The following TBC1D22A variants were observed in gnomAD, a reference collection of about 807,000 sequenced individuals.
TBC1D22A encodes the protein TBC1 domain family member 22A, also known as putative GTPase activator.
A neutral mutation model predicts 60.2 loss-of-function variants in TBC1D22A; 38 were observed. The ratio of observed to expected loss-of-function variants is 0.63; its 90% confidence interval spans 0.49 to 0.83. TBC1D22A has a LOEUF of 0.83. Ranked by LOEUF, TBC1D22A falls within the 40% of genes least tolerant of loss-of-function variation. The probability of loss-of-function intolerance (pLI) is 0.00; values close to 1 mark genes in which losing one functional copy is unlikely to be tolerated. For missense variants in TBC1D22A, 628 were observed against 701.0 expected (o/e 0.90, Z 1.18); for synonymous variants, 302 against 281.7 (o/e 1.07, Z -0.72).
chr22:47,101,630 TG>T lies in TBC1D22A; in HGVS notation c.1330-9877del, dbSNP rs533764255. ...GCCAGTGGGTTCCAGGGTTTGATTGTGTGTTGGGGTTTTTCTCAAGTGCTAG... is the reference window on the plus strand; with the variant it reads ...GCCAGTGGGTTCCAGGGTTTGATTGTTGTTGGGGTTTTTCTCAAGTGCTAG... On this transcript the variant is annotated intron_variant, in intron 11 of 12. Transcript: ENST00000337137. Among the ~76,000 whole-genome samples the T allele has an allele frequency of 3.9e-4, 59 of 152,250 alleles. No individual in the cohort carries two copies. The East Asian group carries it at 0.011, about 28-fold the overall frequency.
At chr22:46,861,462 A>T (rs1408377600) in intron 4 of TBC1D22A, among the ~76,000 whole-genome samples, 4 of 152,232 alleles carry the variant, frequency 2.6e-5, no homozygotes, top group African/African-American at 9.6e-5. Context: ...TGAGCAGCTC[A>T]GGTGGCCGGA....
intron 7 of TBC1D22A, among the ~76,000 whole-genome samples, chr22:46,908,534 G>A (rs566638992): frequency 7.2e-5 from 11 of 152,192 alleles, no homozygotes; most frequent in Admixed American, 1.3e-4. Flanking sequence ...ACATCAAGCC[G>A]AGTTAAATCT....
In TBC1D22A at chr22:47,136,980, G is replaced by T. The variant is rs531222580; in HGVS notation, c.1425+25377G>T. Reference sequence around the variant, plus strand: ...CGCCAGCCCATGCTGTGCAGGTGGCGAGTGTGAGCAAACCTGGTCCCGGGC... The same window carrying T: ...CGCCAGCCCATGCTGTGCAGGTGGCTAGTGTGAGCAAACCTGGTCCCGGGC... On this transcript the variant is annotated intron_variant, in intron 12 of 12. Coordinates refer to ENST00000337137, the MANE Select transcript of TBC1D22A (RefSeq NM_014346.5). Among the ~76,000 whole-genome samples the T allele has an allele frequency of 1.8e-4, 28 of 152,318 alleles. 1 individual carries two copies. In the South Asian group the frequency reaches 5.6e-3, roughly 30 times the overall value.
intron 4 of TBC1D22A, among the ~76,000 whole-genome samples, chr22:46,814,540 C>T (rs1011421529): frequency 2.6e-5 from 4 of 152,148 alleles, no homozygotes; most frequent in African/African-American, 9.7e-5. Flanking sequence ...GTTAAAAAAG[C>T]TGATCTTCTT....
chr22:47,062,029 AG>A (rs1158340091), intron 11 of TBC1D22A, among the ~76,000 whole-genome samples: 4 of 134,330 alleles, frequency 3.0e-5, no homozygotes, highest in Non-Finnish European at 6.1e-5. Flanking sequence ...CAGAGGTTGC[AG>A]TGAGCCCAGA....
At chr22:46,888,016 G>A (rs1237743467) in intron 5 of TBC1D22A, among the ~76,000 whole-genome samples, 5 of 152,170 alleles carry the variant, frequency 3.3e-5, no homozygotes, top group East Asian at 1.9e-4. Context: ...TCTGAGTCCC[G>A]CTCTCTTTCA....
At chr22:47,083,606 C>T (rs143104805) in intron 11 of TBC1D22A, among the ~76,000 whole-genome samples, 372 of 152,298 alleles carry the variant, frequency 2.4e-3, no homozygotes, top group Non-Finnish European at 4.3e-3. Context: ...TCCTGCCCAG[C>T]CCCAGGGGAG....
chr22:46,994,763 C>T (rs1424623769), intron 9 of TBC1D22A, among the ~76,000 whole-genome samples: 5 of 152,216 alleles, frequency 3.3e-5, no homozygotes, highest in Non-Finnish European at 5.9e-5. Flanking sequence ...AATTCCTCCA[C>T]GAGGTTAAAT....
intron 12 of TBC1D22A, among the ~76,000 whole-genome samples, chr22:47,146,107 C>T (rs1413843919): frequency 1.4e-5 from 2 of 145,728 alleles, no homozygotes; most frequent in Non-Finnish European, 3.0e-5. Context: ...GGCCGCGGCG[C>T]GGGGATGTGC....
chr22:46,915,259 G>C, intron 8 of TBC1D22A: 2 of 389,150 alleles, frequency 5.1e-6, no homozygotes, highest in Non-Finnish European at 1.0e-5. Context: ...GCAGGGTCCA[G>C]CACCGGCAGA....
intron 11 of TBC1D22A, among the ~76,000 whole-genome samples, chr22:47,104,066 G>A (rs547896265): frequency 3.9e-5 from 6 of 152,156 alleles, no homozygotes; most frequent in African/African-American, 1.4e-4. Flanking sequence ...CAGCACTTTG[G>A]GAGGCAGAGG....
intron 12 of TBC1D22A, among the ~76,000 whole-genome samples, chr22:47,160,143 C>T (rs932283727): frequency 6.6e-6 from 1 of 152,266 alleles, no homozygotes; most frequent in Admixed American, 6.5e-5. Flanking sequence ...CCCGCCGCTC[C>T]TTCTCCTTCA....
chr22:46,954,563 C>G (rs1039291356), intron 8 of TBC1D22A, among the ~76,000 whole-genome samples: 1 of 152,160 alleles, frequency 6.6e-6, no homozygotes, highest in African/African-American at 2.4e-5. Context: ...GCCCTCATGA[C>G]GTCACTATGT....
chr22:47,013,206 T>C (rs138527854), intron 10 of TBC1D22A, among the ~76,000 whole-genome samples: 368 of 152,270 alleles, frequency 2.4e-3, no homozygotes, highest in Non-Finnish European at 4.1e-3. Context: ...CATTTTTCTT[T>C]TTAGCTGCTC....
At chr22:46,965,457 A>G (rs1484173819) in intron 8 of TBC1D22A, among the ~76,000 whole-genome samples, 5 of 152,106 alleles carry the variant, frequency 3.3e-5, no homozygotes, top group Admixed American at 1.3e-4. Context: ...TGGGCTCGGC[A>G]GAGCTCTGTG....
chr22:47,092,055 C>T (rs1242248135), intron 11 of TBC1D22A, among the ~76,000 whole-genome samples: 1 of 152,170 alleles, frequency 6.6e-6, no homozygotes, highest in Non-Finnish European at 1.5e-5. Context: ...GTTTGTCCTG[C>T]ACCATACAGG....
chr22:46,834,662 C>T (rs768139926), intron 4 of TBC1D22A, among the ~76,000 whole-genome samples: 9 of 152,158 alleles, frequency 5.9e-5, no homozygotes, highest in Non-Finnish European at 1.0e-4. Context: ...CTGGGACTGT[C>T]AGTAGTCAGG....
intron 8 of TBC1D22A, among the ~76,000 whole-genome samples, chr22:46,958,263 A>G (rs754841736): frequency 7.9e-5 from 12 of 152,082 alleles, no homozygotes; most frequent in African/African-American, 1.2e-4. Context: ...TCAGTCCTCT[A>G]TTTGGTTCCC....
intron 4 of TBC1D22A, among the ~76,000 whole-genome samples, chr22:46,852,817 A>C (rs1194981080): frequency 6.6e-6 from 1 of 152,016 alleles, no homozygotes; most frequent in Admixed American, 6.6e-5. Flanking sequence ...CTCTAGGGAG[A>C]GCTGCGCTTT....
Sources: gnomAD v4.1 joint callset for allele counts (sites outside exome capture counted in the v4.1 genomes callset) on GRCh38, gnomAD v4.1.1 for gene constraint, MANE v1.5 for transcripts, NCBI Gene and HGNC (gene_info 2026-07-23, HGNC 2026-07-21) for gene names.